The following TACC2 variants were observed in gnomAD, a reference collection of about 807,000 sequenced individuals.
The protein encoded by TACC2 is transforming acidic coiled-coil-containing protein 2.
Under a neutral mutation model 227.3 loss-of-function variants are expected in TACC2, and 137 were observed. That is an observed-to-expected ratio of 0.60 (90% CI 0.52 to 0.69). The LOEUF (loss-of-function observed/expected upper bound fraction) is 0.69. TACC2 is among the 30% of genes least tolerant of loss of function. The probability of loss-of-function intolerance (pLI) is 0.00; values close to 1 mark genes in which losing one functional copy is unlikely to be tolerated. For synonymous variants in TACC2, 1,523 were observed against 1,487.5 expected (o/e 1.02, Z -0.55); for missense variants, 3,470 against 3,694.4 (o/e 0.94, Z 1.57).
chr10:122,226,504 G>T, intron 13 of TACC2, 23 bp downstream of exon 13: 3 of 1,506,168 alleles, frequency 2.0e-6, no homozygotes, highest in Non-Finnish European at 2.8e-6. Context: ...TGATGAGAGA[G>T]TTACACATCA....
chr10:122,002,648 T>G (rs1045120868), intron 1 of TACC2, among the ~76,000 whole-genome samples: 1 of 152,212 alleles, frequency 6.6e-6, no homozygotes, highest in Admixed American at 6.5e-5. Context: ...TAAATTTCTC[T>G]ATCGTTTTTC....
chr10:122,143,559 A>G lies in TACC2; in HGVS notation c.5700-13A>G, dbSNP rs1327446125. 1 of 1,613,180 alleles carries G rather than the reference A, an allele frequency of 6.2e-7. No homozygotes were observed. Among genetic ancestry groups the G allele is most frequent in the Admixed American group, 1.7e-5 (1 of 60,000 alleles). On this transcript the variant is annotated splice_polypyrimidine_tract_variant and intron_variant, in intron 6 of 22. Coordinates refer to ENST00000369005, the MANE Select transcript of TACC2 (RefSeq NM_206862.4). ...CAGCACCATGTGGAATAATTCCCTC[A>G]TTGTGTCCCCAGCATCTCCCCAGCT...
chr10:122,211,852 C>A, intron 9 of TACC2, 144 bp downstream of exon 9: 1 of 634,308 alleles, frequency 1.6e-6, no homozygotes, highest in Non-Finnish European at 2.6e-6. Context: ...GCCGTTGCAC[C>A]AAGCAGACAA....
At chr10:122,036,214 A>C (rs575391712) in intron 2 of TACC2, among the ~76,000 whole-genome samples, 37 of 140,556 alleles carry the variant, frequency 2.6e-4, no homozygotes, top group African/African-American at 9.3e-4. Context: ...TTTTTTTGAG[A>C]CGGAGTCTCG....
At chr10:122,026,986 G>A (rs954430419) in intron 2 of TACC2, among the ~76,000 whole-genome samples, 2 of 152,170 alleles carry the variant, frequency 1.3e-5, no homozygotes, top group South Asian at 2.1e-4. Flanking sequence ...ACCAGCGAGC[G>A]TGATTGCTGA....
In TACC2 at chr10:122,210,449, G is replaced by T; in HGVS notation, c.6024G>T (p.Val2008=). Residue 2008 remains valine, a synonymous_variant, in exon 9 of 23, where the codon GTG becomes GTT. Coordinates refer to ENST00000369005, the MANE Select transcript of TACC2 (RefSeq NM_206862.4). The surrounding 1 kb of genome is among the most constrained non-coding windows in gnomAD (Gnocchi z 4.6). ...CTGATGGCCCACGGAGCGACTCGGT[G>T]GAAGGAAGTCCCTTCCGTCCCCCGT... ...PVPDGPRSDS[V]EGSPFRPPSH... 1.2e-6 allele frequency: 2 copies of T among 1,614,162 alleles called. No individual in the cohort carries two copies. Among genetic ancestry groups the T allele is most frequent in the Non-Finnish European group, 1.7e-6 (2 of 1,180,032 alleles).
In TACC2 at chr10:122,196,540, C is replaced by T. The variant is rs138824048; in HGVS notation, c.5971+1364C>T. ...GGGCTGTCTGTAGTTCTCAGAGCAT[C>T]GTTTGCATCTCTTCCTTTATTTTGT... On this transcript the variant is annotated intron_variant, in intron 8 of 22. Coordinates refer to ENST00000369005, the MANE Select transcript of TACC2 (RefSeq NM_206862.4). 4.4e-4 allele frequency among the ~76,000 whole-genome samples: 67 copies of T among 152,226 alleles called. 2 individuals carry two copies. Among genetic ancestry groups the T allele is most frequent in the Admixed American group, 2.0e-3 (30 of 15,294 alleles).
At chr10:122,008,982 C>A (rs1369279301) in intron 1 of TACC2, among the ~76,000 whole-genome samples, 4 of 152,184 alleles carry the variant, frequency 2.6e-5, no homozygotes, top group Non-Finnish European at 5.9e-5. Context: ...TATACTTAAT[C>A]ATCTGACAAT....
rs769319405 is a variant in TACC2 at position 122,211,181 on chromosome 10, G to A, written c.6756G>A (p.Gly2252=). 6.2e-7 allele frequency: 1 copy of A among 1,613,150 alleles called. No individual in the cohort carries two copies. The highest frequency in any genetic ancestry group is 2.2e-5 in the East Asian group (1 of 44,850). The part of the protein sequence containing the change: ...AGEVTPSDSG[G]QEDSPAKGLS... ...AGGTAACCCCATCGGATAGCGGGGG[G>A]CAAGAGGACTCTCCAGCCAAAGGGC... The change falls in exon 9 of 23, where the codon GGG becomes GGA. Residue 2252 remains glycine, a synonymous_variant. Coordinates refer to ENST00000369005, the MANE Select transcript of TACC2 (RefSeq NM_206862.4).
intron 2 of TACC2, among the ~76,000 whole-genome samples, chr10:122,049,577 G>A (rs2136184214): frequency 6.6e-6 from 1 of 152,286 alleles, no homozygotes; most frequent in African/African-American, 2.4e-5. Context: ...AGGGGTGCAT[G>A]TTGTTTGGGG....
At chr10:122,082,133 C>A (rs1004597218) in intron 3 of TACC2, among the ~76,000 whole-genome samples, 2 of 152,136 alleles carry the variant, frequency 1.3e-5, no homozygotes, top group Non-Finnish European at 2.9e-5. Flanking sequence ...CATGGCAAGA[C>A]CCCATCTCTA....
rs377035066 is a variant in TACC2, at chr10:122,223,116, C to T, written c.7547-1610C>T. Among the ~76,000 whole-genome samples the T allele has an allele frequency of 1.1e-3, 148 of 140,468 alleles. 2 individuals are homozygous for T. The highest frequency in any genetic ancestry group is 6.5e-4 in the East Asian group (3 of 4,618). The allele number at this position is 140,468 out of a possible 152,430, so 92.2% of individuals were successfully genotyped here. A position where few individuals can be genotyped will look rare whatever the true frequency, so the allele number is the denominator to read the frequency against. On this transcript the variant is annotated intron_variant, in intron 11 of 22. Coordinates refer to ENST00000369005, the MANE Select transcript of TACC2 (RefSeq NM_206862.4). ...TTACCCAGGTTGGAGTGCAGTGGTG[C>T]GATCTTGGCTCACTGCAACCTGTGC...
rs772546309 is a variant in TACC2 at position 122,085,261 on chromosome 10, A to G, written c.2761A>G (p.Met921Val). The change falls in exon 4 of 23, where the codon ATG becomes GTG. Residue 921 changes from methionine (M) to valine (V), a missense_variant. Physicochemically the swap from Met to Val is conservative, Grantham distance 21. Around this residue, in one of 10 missense-constraint regions of TACC2, gnomAD observed 1,924 missense variants for 1,978.3 expected, o/e 0.97. Coordinates refer to ENST00000369005, the MANE Select transcript of TACC2 (RefSeq NM_206862.4). ...SDTPTSSPTD[M>V]VWESSLTEES... The stretch of plus-strand genomic sequence containing the variant: ...TACTCCAACTTCATCTCCCACTGAC[A>G]TGGTTTGGGAGAGTTCTCTGACAGA... The G allele has an allele frequency of 9.9e-6, 16 of 1,613,866 alleles. No individual in the cohort carries two copies. The highest frequency in any genetic ancestry group is 4.5e-5 in the East Asian group (2 of 44,878).
chr10:122,128,141 C>G (rs1180576803), intron 5 of TACC2, among the ~76,000 whole-genome samples: 1 of 152,062 alleles, frequency 6.6e-6, no homozygotes, highest in Non-Finnish European at 1.5e-5. Flanking sequence ...TCTCGGTGAT[C>G]AAGTAGTCTG....
intron 2 of TACC2, among the ~76,000 whole-genome samples, chr10:122,032,112 G>A (rs978365822): frequency 6.6e-6 from 1 of 152,162 alleles, no homozygotes; most frequent in Non-Finnish European, 1.5e-5. Context: ...CACTCTGATA[G>A]CCATGTGAGT....
chr10:122,102,814 G>C (rs1180107526), intron 5 of TACC2, among the ~76,000 whole-genome samples: 1 of 152,188 alleles, frequency 6.6e-6, no homozygotes, highest in African/African-American at 2.4e-5. Context: ...GCCACATCTA[G>C]AAATTCTGGC....
Position 122,085,339 on chromosome 10 carries a change from A to C in TACC2, c.2839A>C (p.Lys947Gln). Residue 947 changes from lysine to glutamine, a missense_variant, in exon 4 of 23, where the codon AAG (lysine) becomes CAG (glutamine). This residue lies in a region of TACC2 where 1,924 missense variants were observed against 1,978.3 expected (regional missense o/e 0.97). Coordinates refer to ENST00000369005, the MANE Select transcript of TACC2 (RefSeq NM_206862.4). ...TRQKLPALGE[K>Q]RPEGACGDGQ... is the part of the protein sequence containing the mutation. ...ACAGAAGTTGCCTGCACTAGGGGAG[A>C]AGCGGCCAGAGGGAGCATGCGGTGA... The C allele has an allele frequency of 6.2e-7, 1 of 1,614,002 alleles. No individual in the cohort carries two copies. Among genetic ancestry groups the C allele is most frequent in the South Asian group, 1.1e-5 (1 of 91,070 alleles).
intron 7 of TACC2, among the ~76,000 whole-genome samples, chr10:122,166,136 G>GC (rs758292033): frequency 3.3e-5 from 5 of 152,174 alleles, no homozygotes; most frequent in Admixed American, 6.5e-5. Flanking sequence ...AACACAGGGT[G>GC]CGCACCTGCC....
At chr10:122,184,776 T>G (rs2094118773) in intron 7 of TACC2, among the ~76,000 whole-genome samples, 1 of 152,220 alleles carries the variant, frequency 6.6e-6, no homozygotes, top group Non-Finnish European at 1.5e-5. Context: ...AAGCTCATAT[T>G]ATATACACAT....
Sources: gnomAD v4.1 joint callset for allele counts (sites outside exome capture counted in the v4.1 genomes callset) on GRCh38, gnomAD v4.1.1 for gene constraint, gnomAD v4.1.1 regional missense constraint, Gnocchi (gnomAD v3.1) non-coding constraint, MANE v1.5 for transcripts, NCBI Gene and HGNC (gene_info 2026-07-23, HGNC 2026-07-21) for gene names.